The following NAV2 variants were observed in gnomAD, a reference collection of about 807,000 sequenced individuals.
NAV2 encodes neuron navigator 2.
Under a neutral mutation model 223.2 loss-of-function variants are expected in NAV2, and 54 were observed. The ratio of observed to expected loss-of-function variants is 0.24; its 90% CI spans 0.19 to 0.30. The LOEUF (loss-of-function observed/expected upper bound fraction) is 0.30, where lower values mean the gene tolerates loss of function less well. Ranked by LOEUF, NAV2 falls within the 10% of genes least tolerant of loss-of-function variation. NAV2 has a pLI of 1.00. For missense variants in NAV2, 2,806 were observed against 3,147.5 expected, an observed-to-expected ratio of 0.89 and a Z score of 2.60; for synonymous variants, 1,279 against 1,239.3, an observed-to-expected ratio of 1.03 and a Z score of -0.67.
chr11:19,396,684 G>C (rs1486998084), intron 1 of NAV2, among the ~76,000 whole-genome samples: 1 of 152,198 alleles, frequency 6.6e-6, no homozygotes, highest in African/African-American at 2.4e-5. Flanking sequence ...CACTGATAAA[G>C]AGGACTTGGT....
chr11:19,367,055 A>C (rs1848310408), intron 1 of NAV2, among the ~76,000 whole-genome samples: 1 of 152,228 alleles, frequency 6.6e-6, no homozygotes, highest in Admixed American at 6.5e-5. Flanking sequence ...ACTGAGGCCC[A>C]GAATTGTCAT....
chr11:19,778,534 C>A (rs988764600), intron 1 of NAV2, among the ~76,000 whole-genome samples: 1 of 151,700 alleles, frequency 6.6e-6, no homozygotes, highest in Non-Finnish European at 1.5e-5. Flanking sequence ...ACAAAAAAAA[C>A]AAAAAGAAAG....
At chr11:19,937,778 A>T (rs2046041348) in intron 7 of NAV2, among the ~76,000 whole-genome samples, 2 of 152,252 alleles carry the variant, frequency 1.3e-5, no homozygotes, top group Non-Finnish European at 2.9e-5. Flanking sequence ...TTGCCTGTGT[A>T]GCATATGAAC....
chr11:19,357,969 C>A (rs1853713995), intron 1 of NAV2, among the ~76,000 whole-genome samples: 2 of 151,990 alleles, frequency 1.3e-5, no homozygotes, highest in Non-Finnish European at 2.9e-5. Flanking sequence ...AACCTCAGCA[C>A]CAGGAAAAAA....
intron 1 of NAV2, among the ~76,000 whole-genome samples, chr11:19,734,269 A>G (rs1318964674): frequency 1.3e-5 from 2 of 152,210 alleles, no homozygotes; most frequent in African/African-American, 4.8e-5. Context: ...CAATTTACTA[A>G]ATGCCTTTAT....
chr11:19,906,733 A>T (rs2042894299), intron 6 of NAV2, among the ~76,000 whole-genome samples: 1 of 152,178 alleles, frequency 6.6e-6, no homozygotes, highest in African/African-American at 2.4e-5. Flanking sequence ...GTGAAGGGGC[A>T]CAAGCACCAC....
chr11:19,861,056 G>T (rs1043891018), intron 3 of NAV2, among the ~76,000 whole-genome samples: 1 of 146,200 alleles, frequency 6.8e-6, no homozygotes, highest in Admixed American at 6.8e-5. Context: ...GGGAGGGGGA[G>T]GGGGAAAGGG....
At chr11:19,683,814 G>A (rs1044508547) in intron 1 of NAV2, among the ~76,000 whole-genome samples, 6 of 152,320 alleles carry the variant, frequency 3.9e-5, no homozygotes, top group East Asian at 1.9e-4. Context: ...TTTCACCAAC[G>A]CCCAGAGGAG....
intron 5 of NAV2, among the ~76,000 whole-genome samples, chr11:19,880,630 G>A (rs2063142747): frequency 6.6e-6 from 1 of 152,214 alleles, no homozygotes; most frequent in African/African-American, 2.4e-5. Flanking sequence ...CCTAACGGGA[G>A]CAGTTACCAT....
chr11:19,958,827 G>T (rs956470474), intron 10 of NAV2, among the ~76,000 whole-genome samples: 1 of 152,234 alleles, frequency 6.6e-6, no homozygotes, highest in Non-Finnish European at 1.5e-5. Context: ...TTATTATGAG[G>T]TTGGTGCTTG....
intron 10 of NAV2, among the ~76,000 whole-genome samples, chr11:19,954,750 G>A (rs551413321): frequency 8.2e-4 from 125 of 152,196 alleles, no homozygotes; most frequent in African/African-American, 2.9e-3. Flanking sequence ...AGCAGAGGTA[G>A]TGACCTTTCT....
chr11:19,634,417 A>G (rs1431986594), intron 1 of NAV2, among the ~76,000 whole-genome samples: 1 of 152,222 alleles, frequency 6.6e-6, no homozygotes, highest in Non-Finnish European at 1.5e-5. Flanking sequence ...TGATGAAATA[A>G]TCTGTACAAC....
intron 1 of NAV2, 122 bp downstream of exon 1, chr11:19,714,084 A>G (rs2152318049): frequency 7.3e-7 from 1 of 1,367,976 alleles, no homozygotes; most frequent in East Asian, 2.5e-5. Context: ...GAAGGGAACC[A>G]TTCCCCTTAG....
intron 1 of NAV2, among the ~76,000 whole-genome samples, chr11:19,737,588 C>T (rs1357482191): frequency 6.6e-6 from 1 of 152,238 alleles, no homozygotes; most frequent in Non-Finnish European, 1.5e-5. Flanking sequence ...AAGAACCATC[C>T]TTGCTCCTTT....
intron 36 of NAV2, among the ~76,000 whole-genome samples, chr11:20,112,628 G>A (rs116895669): frequency 0.026 from 3,910 of 152,234 alleles, 113 homozygotes; most frequent in East Asian, 0.14. Context: ...TCCCTGCTCT[G>A]GGTCTGGCTG....
At chr11:19,639,569 C>T (rs1389979196) in intron 1 of NAV2, among the ~76,000 whole-genome samples, 1 of 152,190 alleles carries the variant, frequency 6.6e-6, no homozygotes, top group Non-Finnish European at 1.5e-5. Flanking sequence ...CTTTCCATAG[C>T]TGTATTTTTA....
intron 1 of NAV2, among the ~76,000 whole-genome samples, chr11:19,724,834 C>T (rs961867303): frequency 1.3e-5 from 2 of 152,174 alleles, no homozygotes; most frequent in African/African-American, 4.8e-5. Context: ...AGCTGGAAGC[C>T]AGAGAGACCT....
At position 20,119,064 on chromosome 11, in the gene NAV2, GTTT is replaced by G. The variant is rs57178955; in HGVS notation, c.*821_*823del. 1.3e-3 allele frequency: 190 copies of G among 142,188 alleles called. No homozygotes were observed. Among genetic ancestry groups the G allele is most frequent in the South Asian group, 8.6e-3 (38 of 4,408 alleles). The allele number at this position is 142,188 out of a possible 1,614,324, so 8.8% of individuals were successfully genotyped here. On this transcript the variant is annotated 3_prime_UTR_variant, in exon 38 of 38. Coordinates refer to ENST00000349880, the MANE Select transcript of NAV2 (RefSeq NM_145117.5). ...TCCTTCTGATATATGAATGAATCAG[GTTT>G]TTTTTTTTTTTTTTCTGCAAACACT...
intron 1 of NAV2, among the ~76,000 whole-genome samples, chr11:19,814,512 A>G (rs905087928): frequency 1.3e-5 from 2 of 152,198 alleles, no homozygotes; most frequent in Non-Finnish European, 2.9e-5. Context: ...GGCAAGATGC[A>G]TTTTTATTCC....
Sources: allele counts gnomAD v4.1 joint callset (sites outside exome capture counted in the v4.1 genomes callset), GRCh38; gene constraint gnomAD v4.1.1; transcripts MANE v1.5; gene names NCBI Gene and HGNC (gene_info 2026-07-23, HGNC 2026-07-21).